The following GBE1 variants were observed in gnomAD, a reference collection of about 807,000 sequenced individuals.
GBE1 encodes 1,4-alpha-glucan branching enzyme 1.
GBE1 carries 70 observed loss-of-function variants against 88.8 expected under a neutral mutation model. The ratio of observed to expected loss-of-function variants is 0.79; its 90% CI spans 0.65 to 0.96. The LOEUF is 0.96. Ranked by LOEUF, GBE1 falls within the 40% of genes least tolerant of loss-of-function variation. The probability of loss-of-function intolerance (pLI) is 0.00; values close to 1 mark genes in which losing one functional copy is unlikely to be tolerated. For missense variants in GBE1, 872 were observed against 871.0 expected, an observed-to-expected ratio of 1.00 and a Z score of -0.01; for synonymous variants, 284 against 300.1, an observed-to-expected ratio of 0.95 and a Z score of 0.56.
At chr3:81,716,181 TTAAG>T (rs986558296) in intron 1 of GBE1, among the ~76,000 whole-genome samples, 3 of 152,180 alleles carry the variant, frequency 2.0e-5, no homozygotes, top group African/African-American at 7.2e-5. Flanking sequence ...TAAAAGCTAA[TTAAG>T]TCATAGTTTT....
chr3:81,751,033 C>T (rs1410162421), intron 1 of GBE1, among the ~76,000 whole-genome samples: 2 of 151,836 alleles, frequency 1.3e-5, no homozygotes, highest in African/African-American at 4.8e-5. Context: ...GATAGTGGAG[C>T]TAGGGCCAAG....
chr3:81,530,539 C>T (rs903550078), intron 14 of GBE1, among the ~76,000 whole-genome samples: 1 of 151,862 alleles, frequency 6.6e-6, no homozygotes, highest in South Asian at 2.1e-4. Flanking sequence ...CAGTGGTATC[C>T]GTATTAAGGG....
intron 7 of GBE1, among the ~76,000 whole-genome samples, chr3:81,623,179 C>T (rs1353580544): frequency 2.0e-5 from 3 of 152,194 alleles, no homozygotes; most frequent in Non-Finnish European, 4.4e-5. Context: ...TGACAACTGC[C>T]AAACTCTCTG....
At chr3:81,499,686 T>C (rs895763373) in intron 14 of GBE1, among the ~76,000 whole-genome samples, 8 of 152,172 alleles carry the variant, frequency 5.3e-5, no homozygotes, top group African/African-American at 1.9e-4. Flanking sequence ...ATACATACAG[T>C]CAGTCCTCCA....
chr3:81,678,951 A>G (rs139800359), intron 2 of GBE1, among the ~76,000 whole-genome samples: 37 of 152,308 alleles, frequency 2.4e-4, no homozygotes, highest in Admixed American at 1.1e-3. Flanking sequence ...ATCTACTGAT[A>G]GTAGGAATTC....
At chr3:81,578,737 C>T (rs1315569238) in intron 11 of GBE1, among the ~76,000 whole-genome samples, 1 of 151,874 alleles carries the variant, frequency 6.6e-6, no homozygotes, top group Non-Finnish European at 1.5e-5. Flanking sequence ...CCCTGAGTAA[C>T]AGCAGAGAGA....
At chr3:81,544,403 G>A (rs899917945) in intron 12 of GBE1, among the ~76,000 whole-genome samples, 1 of 152,094 alleles carries the variant, frequency 6.6e-6, no homozygotes, top group Non-Finnish European at 1.5e-5. Flanking sequence ...ATGATCAGTA[G>A]TGTAATAGAT....
intron 3 of GBE1, among the ~76,000 whole-genome samples, chr3:81,668,439 G>C (rs1166454133): frequency 6.6e-6 from 1 of 152,126 alleles, no homozygotes. Flanking sequence ...CAGAATGTAG[G>C]GTGAGCCAGT....
At chr3:81,490,545 G>A (rs374937697) in intron 15 of GBE1, 82 bp from the exon 16 acceptor site, 29 of 1,092,732 alleles carry the variant, frequency 2.7e-5, no homozygotes, top group East Asian at 1.7e-4. Flanking sequence ...TAGGCATGAC[G>A]CAGTCTCACA....
chr3:81,628,783 A>ATATT (rs1553687073), intron 7 of GBE1, among the ~76,000 whole-genome samples: 2 of 131,144 alleles, frequency 1.5e-5, no homozygotes, highest in Non-Finnish European at 1.6e-5. Context: ...ATATATATAT[A>ATATT]GCAACAGAGT....
At chr3:81,502,730 ACTCT>A (rs778095506) in intron 14 of GBE1, among the ~76,000 whole-genome samples, 62 of 151,986 alleles carry the variant, frequency 4.1e-4, no homozygotes, top group Admixed American at 7.9e-4. Context: ...GTACTCCCTC[ACTCT>A]CTCTCATGTG....
intron 1 of GBE1, among the ~76,000 whole-genome samples, chr3:81,740,168 T>C (rs1210089038): frequency 2.0e-5 from 3 of 152,076 alleles, no homozygotes; most frequent in Non-Finnish European, 4.4e-5. Flanking sequence ...AAGGCTGCAA[T>C]GAGCTATGAT....
intron 1 of GBE1, among the ~76,000 whole-genome samples, chr3:81,747,075 CAA>C (rs925189680): frequency 6.6e-6 from 1 of 151,144 alleles, no homozygotes. Flanking sequence ...AAACATTACA[CAA>C]AAAATTAATG....
intron 5 of GBE1, 65 bp downstream of exon 5, chr3:81,648,791 C>A: frequency 1.0e-6 from 1 of 953,066 alleles, no homozygotes; most frequent in Non-Finnish European, 1.5e-6. Flanking sequence ...TTGTAATTAG[C>A]TTTTCTAATA....
At chr3:81,689,510 A>G (rs1705488157) in intron 2 of GBE1, among the ~76,000 whole-genome samples, 1 of 152,262 alleles carries the variant, frequency 6.6e-6, no homozygotes, top group African/African-American at 2.4e-5. Flanking sequence ...GTAAATAGTC[A>G]TGTTTTTTAT....
chr3:81,507,819 G>A (rs1702674451), intron 14 of GBE1, among the ~76,000 whole-genome samples: 1 of 152,024 alleles, frequency 6.6e-6, no homozygotes. Context: ...AAGTTTAAAT[G>A]ACAACCGTAC....
At chr3:81,664,758 GATT>G (rs770632165) in intron 3 of GBE1, among the ~76,000 whole-genome samples, 22 of 152,074 alleles carry the variant, frequency 1.4e-4, no homozygotes, top group Non-Finnish European at 2.5e-4. Flanking sequence ...AAACATTACG[GATT>G]ATTATTTCAT....
At chr3:81,705,198 AC>A (rs2107168370) in intron 2 of GBE1, among the ~76,000 whole-genome samples, 2 of 152,170 alleles carry the variant, frequency 1.3e-5, no homozygotes, top group African/African-American at 4.8e-5. Flanking sequence ...TTTCTCATAA[AC>A]CTTGTTATTT....
intron 3 of GBE1, among the ~76,000 whole-genome samples, chr3:81,655,768 C>T (rs916898774): frequency 6.6e-6 from 1 of 152,160 alleles, no homozygotes; most frequent in Non-Finnish European, 1.5e-5. Context: ...GATCCACATG[C>T]CTCGGTCTCC....
Sources: gnomAD v4.1 joint callset for allele counts (sites outside exome capture counted in the v4.1 genomes callset) on GRCh38, gnomAD v4.1.1 for gene constraint, MANE v1.5 for transcripts, NCBI Gene and HGNC (gene_info 2026-07-23, HGNC 2026-07-21) for gene names.